Variants in NCAM1 observed in about 807,000 individuals in gnomAD.
The protein encoded by NCAM1 is antigen recognized by monoclonal antibody 5.1H11.
In NCAM1, 14 loss-of-function variants were observed where a neutral mutation model predicts 109.8. The ratio of observed to expected loss-of-function variants is 0.13; its 90% CI spans 0.08 to 0.20. The LOEUF is 0.20. Ranked by LOEUF, NCAM1 falls within the 10% of genes least tolerant of loss-of-function variation. The pLI, the probability that NCAM1 is intolerant of heterozygous loss-of-function variation, is 1.00. For missense variants in NCAM1, 774 were observed against 1,109.9 expected, an observed-to-expected ratio of 0.70 and a Z score of 4.30; for synonymous variants, 418 against 442.9, an observed-to-expected ratio of 0.94 and a Z score of 0.70.
chr11:113,032,037 G>A (rs1017255735), intron 1 of NCAM1, among the ~76,000 whole-genome samples: 1 of 152,074 alleles, frequency 6.6e-6, no homozygotes, highest in Non-Finnish European at 1.5e-5. Flanking sequence ...GACCACCTGG[G>A]CTCAAGTGAT....
At chr11:113,144,534 C>T (rs1941943764) in intron 1 of NCAM1, among the ~76,000 whole-genome samples, 1 of 152,108 alleles carries the variant, frequency 6.6e-6, no homozygotes, top group African/African-American at 2.4e-5. Context: ...GGAATAACCA[C>T]TAATACATTA....
intron 1 of NCAM1, among the ~76,000 whole-genome samples, chr11:113,125,591 A>G (rs1018233337): frequency 1.3e-5 from 2 of 152,216 alleles, no homozygotes; most frequent in African/African-American, 4.8e-5. Context: ...AGTGGCTTAT[A>G]CTACATTAGT....
intron 1 of NCAM1, among the ~76,000 whole-genome samples, chr11:113,089,849 GAAACA>G (rs1437389441): frequency 1.3e-5 from 2 of 152,012 alleles, no homozygotes; most frequent in Non-Finnish European, 2.9e-5. Context: ...TTGTTTTGAT[GAAACA>G]AACCAAAGAA....
At chr11:113,076,148 A>G (rs1938515496) in intron 1 of NCAM1, among the ~76,000 whole-genome samples, 1 of 142,958 alleles carries the variant, frequency 7.0e-6, no homozygotes, top group South Asian at 2.3e-4. Context: ...GGGCAGCGTC[A>G]CCAAACTCAG....
At chr11:113,087,824 C>G (rs1333654553) in intron 1 of NCAM1, among the ~76,000 whole-genome samples, 2 of 152,158 alleles carry the variant, frequency 1.3e-5, no homozygotes, top group Non-Finnish European at 2.9e-5. Flanking sequence ...CTTTAAGGAG[C>G]TCAGTCTCTA....
intron 1 of NCAM1, among the ~76,000 whole-genome samples, chr11:112,968,062 T>C (rs1555065941): frequency 6.6e-6 from 1 of 152,220 alleles, no homozygotes; most frequent in African/African-American, 2.4e-5. Context: ...TTAGCAACTA[T>C]CCTTTGGTCC....
intron 19 of NCAM1, among the ~76,000 whole-genome samples, chr11:113,272,475 G>A (rs1255158270): frequency 2.0e-5 from 3 of 152,136 alleles, no homozygotes; most frequent in East Asian, 1.9e-4. Flanking sequence ...TGCCTTATTC[G>A]TGACTTTTCC....
At chr11:113,245,469 C>A (rs1945473869) in intron 14 of NCAM1, among the ~76,000 whole-genome samples, 1 of 152,154 alleles carries the variant, frequency 6.6e-6, no homozygotes, top group African/African-American at 2.4e-5. Flanking sequence ...ACAAATGGCC[C>A]AAACATTTGC....
intron 1 of NCAM1, among the ~76,000 whole-genome samples, chr11:113,154,620 G>C (rs958574304): frequency 2.6e-5 from 4 of 152,116 alleles, no homozygotes; most frequent in Non-Finnish European, 5.9e-5. Context: ...CCGTGTACTA[G>C]TGTCTATAGC....
intron 1 of NCAM1, among the ~76,000 whole-genome samples, chr11:112,964,158 T>TTG (rs1950664014): frequency 1.8e-5 from 2 of 114,086 alleles, no homozygotes; most frequent in African/African-American, 3.5e-5. Flanking sequence ...TTTTTTTGTT[T>TTG]TTTTTTTGGA....
chr11:113,272,820 A>G, intron 19 of NCAM1: 1 of 423,300 alleles, frequency 2.4e-6, no homozygotes, highest in East Asian at 7.0e-5. Flanking sequence ...CCTGTGCCTA[A>G]CTGCATGCCC....
At chr11:113,015,555 G>A (rs940887255) in intron 1 of NCAM1, among the ~76,000 whole-genome samples, 5 of 152,032 alleles carry the variant, frequency 3.3e-5, no homozygotes, top group African/African-American at 1.2e-4. Flanking sequence ...GGCCAACATG[G>A]TGAAACCCCA....
intron 1 of NCAM1, among the ~76,000 whole-genome samples, chr11:113,069,657 G>C (rs1345134472): frequency 1.3e-5 from 2 of 152,198 alleles, no homozygotes; most frequent in Admixed American, 1.3e-4. Flanking sequence ...AAGCAACATT[G>C]TTCTAAGCAC....
At chr11:113,102,972 G>T (rs1411230662) in intron 1 of NCAM1, among the ~76,000 whole-genome samples, 2 of 141,674 alleles carry the variant, frequency 1.4e-5, no homozygotes, top group African/African-American at 5.4e-5. Flanking sequence ...TTTAGATTAT[G>T]AAATTTGGTT....
intron 1 of NCAM1, among the ~76,000 whole-genome samples, chr11:113,120,330 C>T (rs782696978): frequency 1.2e-4 from 18 of 152,168 alleles, no homozygotes; most frequent in Non-Finnish European, 2.4e-4. Context: ...TGGAAGGTTT[C>T]CGGTAGAAGT....
intron 1 of NCAM1, among the ~76,000 whole-genome samples, chr11:113,018,045 G>A (rs189284802): frequency 5.3e-5 from 8 of 152,084 alleles, no homozygotes; most frequent in Non-Finnish European, 4.4e-5. Context: ...TCCACTGGGC[G>A]AGGCATAGAA....
chr11:113,197,109 C>A, intron 1 of NCAM1: 1 of 161,498 alleles, frequency 6.2e-6, no homozygotes, highest in Non-Finnish European at 1.4e-5. Context: ...CACTCACTAT[C>A]ATGAGAACAG....
Position 113,206,738 on chromosome 11 carries a change from C to G in NCAM1, c.629-523C>G, listed in dbSNP as rs536445808. 1.4e-3 allele frequency among the ~76,000 whole-genome samples: 212 copies of G among 152,214 alleles called. 1 individual carries two copies. Among genetic ancestry groups the G allele is most frequent in the African/African-American group, 4.8e-3 (201 of 41,566 alleles). On this transcript the variant is annotated intron_variant, in intron 5 of 19. Coordinates refer to ENST00000316851, the MANE Select transcript of NCAM1 (RefSeq NM_181351.5). Reference sequence around the variant, plus strand: ...TGACACATATTTTTTTTGCCAAACTCTCCCCATCTCATTCCTTTGGTAAAA... The same window carrying G: ...TGACACATATTTTTTTTGCCAAACTGTCCCCATCTCATTCCTTTGGTAAAA...
intron 1 of NCAM1, among the ~76,000 whole-genome samples, chr11:113,190,897 G>A (rs371107215): frequency 1.3e-5 from 2 of 152,258 alleles, no homozygotes; most frequent in East Asian, 3.9e-4. Flanking sequence ...GACCCCTTAA[G>A]GAGAATGGCT....
Sources: gnomAD v4.1 joint callset for allele counts (sites outside exome capture counted in the v4.1 genomes callset) on GRCh38, gnomAD v4.1.1 for gene constraint, MANE v1.5 for transcripts, NCBI Gene and HGNC (gene_info 2026-07-23, HGNC 2026-07-21) for gene names.